ATXN1: variants seen among roughly 807,000 people sequenced by gnomAD.
ATXN1 encodes ataxin-1.
Under a neutral mutation model 56.4 loss-of-function variants are expected in ATXN1, and 8 were observed. The observed-to-expected ratio is 0.14, with a 90% CI of 0.08 to 0.26. ATXN1 has a LOEUF of 0.26. ATXN1 is among the 10% of genes least tolerant of loss of function. The pLI, the probability that ATXN1 is intolerant of heterozygous loss-of-function variation, is 1.00. For missense variants in ATXN1, 987 were observed against 1,106.5 expected (o/e 0.89, Z 1.53); for synonymous variants, 514 against 494.6 (o/e 1.04, Z -0.52).
intron 4 of ATXN1, among the ~76,000 whole-genome samples, chr6:16,582,768 T>A (rs1762552460): frequency 1.3e-5 from 2 of 152,228 alleles, no homozygotes; most frequent in African/African-American, 4.8e-5. Flanking sequence ...CGTCTGCATT[T>A]CTGCACACCA....
rs1201910974 is a variant in ATXN1 at position 16,306,741 on chromosome 6, C to G, written c.2036G>C (p.Gly679Ala). 1 of 1,614,060 alleles carries G rather than the reference C, an allele frequency of 6.2e-7. No homozygotes were observed. Among genetic ancestry groups the G allele is most frequent in the South Asian group, 1.1e-5 (1 of 91,084 alleles). ...FDLPCSKLSVGDVCISLTLKN... is the reference protein window; with the variant it reads ...FDLPCSKLSVADVCISLTLKN... ...GAGGGTAAGCGAGATGCAGACATCC[C>G]CAACTGAGAGTTTGGAACACGGCAA... The change falls in exon 8 of 8, where the codon GGG becomes GCG. Residue 679 changes from glycine to alanine, a missense_variant. Gly to Ala is a moderately conservative substitution (Grantham distance 60, BLOSUM62 0). This residue lies in a region of ATXN1 where 196 missense variants were observed against 196.7 expected (regional missense o/e 1.00). Coordinates refer to ENST00000436367, the MANE Select transcript of ATXN1 (RefSeq NM_001128164.2). This position sits in a 1 kb window ranked among gnomAD's most constrained non-coding sequence, Gnocchi z 5.2.
At chr6:16,324,244 A>C (rs959785316) in intron 7 of ATXN1, among the ~76,000 whole-genome samples, 1 of 152,070 alleles carries the variant, frequency 6.6e-6, no homozygotes, top group Non-Finnish European at 1.5e-5. Flanking sequence ...GGAGTTTGAG[A>C]CCAGCCTAGG....
intron 6 of ATXN1, among the ~76,000 whole-genome samples, chr6:16,401,850 C>T (rs914679997): frequency 1.3e-5 from 2 of 152,132 alleles, no homozygotes; most frequent in Admixed American, 1.3e-4. Flanking sequence ...CATTTTTATG[C>T]TGTTGATAAA....
chr6:16,519,943 G>A (rs1761255231), intron 5 of ATXN1, among the ~76,000 whole-genome samples: 1 of 152,214 alleles, frequency 6.6e-6, no homozygotes, highest in South Asian at 2.1e-4. Flanking sequence ...GGCAAGAGAG[G>A]ATAAGGTGGG....
chr6:16,399,297 G>T (rs774446467), intron 6 of ATXN1, among the ~76,000 whole-genome samples: 14 of 152,154 alleles, frequency 9.2e-5, no homozygotes, highest in Non-Finnish European at 2.1e-4. Flanking sequence ...TCAGAGGTTT[G>T]GTGGGTGTAT....
At chr6:16,594,475 T>TC (rs1195054878) in intron 3 of ATXN1, among the ~76,000 whole-genome samples, 1 of 147,136 alleles carries the variant, frequency 6.8e-6, no homozygotes, top group Non-Finnish European at 1.5e-5. Flanking sequence ...TTTTTTTCCT[T>TC]TTTTTTTTTT....
intron 6 of ATXN1, among the ~76,000 whole-genome samples, chr6:16,363,802 T>G (rs1345960376): frequency 6.6e-6 from 1 of 152,202 alleles, no homozygotes; most frequent in Non-Finnish European, 1.5e-5. Flanking sequence ...GCATTTCGTT[T>G]CATCCCCAGT....
intron 3 of ATXN1, among the ~76,000 whole-genome samples, chr6:16,614,636 A>G (rs569966497): frequency 6.6e-6 from 1 of 151,918 alleles, no homozygotes; most frequent in South Asian, 2.1e-4. Flanking sequence ...CAATGATTAA[A>G]TTCAGGCCAC....
At chr6:16,734,257 G>A (rs1393241427) in intron 2 of ATXN1, among the ~76,000 whole-genome samples, 1 of 152,136 alleles carries the variant, frequency 6.6e-6, no homozygotes, top group African/African-American at 2.4e-5. Flanking sequence ...CCTCATTTGA[G>A]TGAGGCAAAA....
chr6:16,313,282 C>G (rs1760440916), intron 7 of ATXN1, among the ~76,000 whole-genome samples: 1 of 152,136 alleles, frequency 6.6e-6, no homozygotes, highest in Admixed American at 6.6e-5. Context: ...TCGTATTTGG[C>G]TTTTGAGTGG....
At chr6:16,742,308 C>T (rs1470715082) in intron 2 of ATXN1, among the ~76,000 whole-genome samples, 2 of 152,166 alleles carry the variant, frequency 1.3e-5, no homozygotes, top group Non-Finnish European at 2.9e-5. Context: ...AAAGCCACAA[C>T]TTGGGGTCAT....
At chr6:16,566,429 TC>T (rs1439967227) in intron 4 of ATXN1, among the ~76,000 whole-genome samples, 2 of 151,996 alleles carry the variant, frequency 1.3e-5, no homozygotes, top group African/African-American at 4.8e-5. Context: ...TGGTGTAACT[TC>T]TAGCTACTCT....
chr6:16,656,098 A>G (rs942641523), intron 3 of ATXN1, among the ~76,000 whole-genome samples: 4 of 151,924 alleles, frequency 2.6e-5, no homozygotes, highest in Non-Finnish European at 4.4e-5. Context: ...CAAAAAAAAA[A>G]AAAACAAAAA....
At chr6:16,707,455 A>G (rs478157) in intron 2 of ATXN1, among the ~76,000 whole-genome samples, 27 of 152,312 alleles carry the variant, frequency 1.8e-4, no homozygotes, top group Admixed American at 1.0e-3. Context: ...GGACCCTCCT[A>G]AAGTCTCCTG....
At chr6:16,572,739 C>T (rs1199526936) in intron 4 of ATXN1, among the ~76,000 whole-genome samples, 8 of 152,142 alleles carry the variant, frequency 5.3e-5, no homozygotes, top group Non-Finnish European at 1.0e-4. Context: ...ATATTATCTA[C>T]GTTGAAAAGA....
chr6:16,408,353 T>C (rs953317223), intron 6 of ATXN1, among the ~76,000 whole-genome samples: 1 of 152,202 alleles, frequency 6.6e-6, no homozygotes, highest in African/African-American at 2.4e-5. Flanking sequence ...ACTATAGTTA[T>C]TTTAAATAGT....
chr6:16,326,466 T>C lies in ATXN1; in HGVS notation c.1845A>G (p.Val615=). The C allele has an allele frequency of 6.2e-7, 1 of 1,614,152 alleles. No homozygotes were observed. Among genetic ancestry groups the C allele is most frequent in the Non-Finnish European group, 8.5e-7 (1 of 1,180,032 alleles). ...GGCTATGGCTGTCTTCAATCCTCTC[T>C]ACGGTGCTGGAGTCGATCTTCAGGT... ...SNDLKIDSST[V]ERIEDSHSPG... The change falls in exon 7 of 8, where the codon GTA becomes GTG. Residue 615 remains valine (V), a synonymous_variant. Coordinates refer to ENST00000436367, the MANE Select transcript of ATXN1 (RefSeq NM_001128164.2). This position sits in a 1 kb window ranked among gnomAD's most constrained non-coding sequence, Gnocchi z 6.6.
At position 16,360,941 on chromosome 6, in the gene ATXN1, G is replaced by C. The variant is rs970128378; in HGVS notation, c.-160-32471C>G. 7.2e-5 allele frequency among the ~76,000 whole-genome samples: 11 copies of C among 152,186 alleles called. 1 individual carries two copies. The highest frequency in any genetic ancestry group is 2.2e-4 in the African/African-American group (9 of 41,446). ...TGTAAGGAATAACACAAGGTAAGAC[G>C]CCTGAAACTAGCAAGTGAGAAAGTC... On this transcript the variant is annotated intron_variant, in intron 6 of 7. Transcript: ENST00000436367.
chr6:16,346,938 T>G (rs1439750690), intron 6 of ATXN1, among the ~76,000 whole-genome samples: 1 of 152,226 alleles, frequency 6.6e-6, no homozygotes, highest in Non-Finnish European at 1.5e-5. Context: ...CAGCGCGCGT[T>G]CCAGGTGGCT....
Sources: allele counts gnomAD v4.1 joint callset (sites outside exome capture counted in the v4.1 genomes callset), GRCh38; gene constraint gnomAD v4.1.1; regional missense constraint gnomAD v4.1.1; non-coding constraint Gnocchi (gnomAD v3.1); transcripts MANE v1.5; gene names NCBI Gene and HGNC (gene_info 2026-07-23, HGNC 2026-07-21).